Variants in SPTLC3 observed in about 807,000 individuals in gnomAD.
SPTLC3 encodes the protein serine palmitoyltransferase 3.
A neutral mutation model predicts 59.3 loss-of-function variants in SPTLC3; 36 were observed. That is an observed-to-expected ratio of 0.61 (90% confidence interval 0.47 to 0.80). SPTLC3 has a LOEUF of 0.80. Among genes scored for constraint, SPTLC3 ranks in the 30% least tolerant of loss-of-function variants. The pLI, the probability that SPTLC3 is intolerant of heterozygous loss-of-function variation, is 0.00. For missense variants in SPTLC3, 625 were observed against 685.1 expected, an observed-to-expected ratio of 0.91 and a Z score of 0.98; for synonymous variants, 257 against 240.8, an observed-to-expected ratio of 1.07 and a Z score of -0.62.
intron 10 of SPTLC3, among the ~76,000 whole-genome samples, chr20:13,159,538 A>T (rs1180243999): frequency 6.6e-6 from 1 of 152,194 alleles, no homozygotes; most frequent in East Asian, 1.9e-4. Context: ...GCTCATTGAA[A>T]TTTCCACATT....
At position 13,074,205 on chromosome 20, in the gene SPTLC3, C is replaced by T. The variant is rs530676605; in HGVS notation, c.459-144C>T. 55 of 1,066,150 alleles carry T rather than the reference C, an allele frequency of 5.2e-5. No individual in the cohort carries two copies. The Admixed American group carries it at 9.8e-4, about 19-fold the overall frequency. The allele number at this position is 1,066,150 out of a possible 1,614,324, so 66.0% of individuals were successfully genotyped here. ...GAACCACCTCCTGCCAGCTCTGTTC[C>T]ACCTCACAGATCTGAGCTGCCATCT... On this transcript the variant is annotated intron_variant, in intron 3 of 11. Coordinates refer to ENST00000399002, the MANE Select transcript of SPTLC3 (RefSeq NM_018327.4).
chr20:13,038,045 A>AATATATATATATATATATATATAT lies in SPTLC3; in HGVS notation c.118-10885_118-10884insTATATATATATATATATATATATA, dbSNP rs74181398. On this transcript the variant is annotated intron_variant, in intron 1 of 11. Transcript: ENST00000399002. ...GCTGGAAAATACAGAGAAAATCATG[A>AATATATATATATATATATATATAT]ATATATATATATATAATATATCTTC... Among the ~76,000 whole-genome samples, 224 of 139,476 alleles carry AATATATATATATATATATATATAT rather than the reference A, an allele frequency of 1.6e-3. 5 individuals are homozygous for AATATATATATATATATATATATAT. The highest frequency in any genetic ancestry group is 4.9e-3 in the African/African-American group (178 of 36,434). The allele number at this position is 139,476 out of a possible 152,430, so 91.5% of individuals were successfully genotyped here.
chr20:13,142,114 A>T (rs1184551859), intron 9 of SPTLC3, among the ~76,000 whole-genome samples: 2 of 152,236 alleles, frequency 1.3e-5, no homozygotes, highest in Non-Finnish European at 2.9e-5. Context: ...AGAGTTAGCC[A>T]AGGGTAGACT....
chr20:13,153,587 G>A (rs534917617), intron 9 of SPTLC3, among the ~76,000 whole-genome samples: 1 of 152,232 alleles, frequency 6.6e-6, no homozygotes, highest in South Asian at 2.1e-4. Context: ...ATTCAGCTTA[G>A]CTAAAAAGCA....
intron 9 of SPTLC3, among the ~76,000 whole-genome samples, chr20:13,152,912 G>A (rs572025609): frequency 6.6e-6 from 1 of 152,268 alleles, no homozygotes; most frequent in African/African-American, 2.4e-5. Flanking sequence ...TCCATCTGAA[G>A]AGTTACAAAC....
chr20:13,049,997 C>T (rs1202449042), intron 2 of SPTLC3: 1 of 152,214 alleles, frequency 6.6e-6, no homozygotes, highest in African/African-American at 2.4e-5. Context: ...AACCAGAAAA[C>T]CAACCTTGGT....
intron 9 of SPTLC3, among the ~76,000 whole-genome samples, chr20:13,130,356 C>T (rs1036127419): frequency 1.3e-5 from 2 of 152,226 alleles, no homozygotes; most frequent in African/African-American, 4.8e-5. Context: ...CTTCAGCCCA[C>T]TCCACTACAA....
chr20:13,088,803 G>C (rs373287669), intron 4 of SPTLC3, among the ~76,000 whole-genome samples: 1 of 43,266 alleles, frequency 2.3e-5, no homozygotes. Context: ...TTTTTTTTTT[G>C]TATTTTTAGT....
intron 2 of SPTLC3, among the ~76,000 whole-genome samples, chr20:13,067,833 A>C (rs1359482689): frequency 6.6e-6 from 1 of 152,228 alleles, no homozygotes; most frequent in African/African-American, 2.4e-5. Flanking sequence ...ATTATATAAA[A>C]TACAGTATTC....
At chr20:13,033,821 A>T (rs998697589) in intron 1 of SPTLC3, among the ~76,000 whole-genome samples, 9 of 152,156 alleles carry the variant, frequency 5.9e-5, no homozygotes, top group African/African-American at 1.9e-4. Flanking sequence ...GAGTGTAATG[A>T]TGGTGTTATG....
At chr20:13,065,346 T>C (rs1600245104) in intron 2 of SPTLC3, among the ~76,000 whole-genome samples, 1 of 150,558 alleles carries the variant, frequency 6.6e-6, no homozygotes, top group Non-Finnish European at 1.5e-5. Flanking sequence ...TCTTGGTGAA[T>C]TTTTCCTTTT....
chr20:13,017,574 G>C (rs1392822426), intron 1 of SPTLC3, among the ~76,000 whole-genome samples: 1 of 152,202 alleles, frequency 6.6e-6, no homozygotes, highest in Non-Finnish European at 1.5e-5. Context: ...TTTGGATGCA[G>C]ACCAACATAG....
At chr20:13,106,367 C>G (rs1314834129) in intron 6 of SPTLC3, among the ~76,000 whole-genome samples, 3 of 152,130 alleles carry the variant, frequency 2.0e-5, no homozygotes, top group Non-Finnish European at 4.4e-5. Flanking sequence ...AAGCAAAAAA[C>G]GAACATCGCG....
chr20:13,024,301 A>G (rs1986039663), intron 1 of SPTLC3, among the ~76,000 whole-genome samples: 1 of 152,210 alleles, frequency 6.6e-6, no homozygotes, highest in East Asian at 1.9e-4. Flanking sequence ...AAACATTTGC[A>G]AATTTATAGA....
intron 9 of SPTLC3, among the ~76,000 whole-genome samples, chr20:13,145,526 T>C (rs1237590161): frequency 6.6e-6 from 1 of 152,118 alleles, no homozygotes. Context: ...TGTTCATGGA[T>C]AGGAAGAATC....
chr20:13,026,771 C>G (rs1007889003), intron 1 of SPTLC3, among the ~76,000 whole-genome samples: 2 of 152,160 alleles, frequency 1.3e-5, no homozygotes, highest in Non-Finnish European at 2.9e-5. Flanking sequence ...ATGTGCACAG[C>G]CTCCTCTCCA....
intron 5 of SPTLC3, among the ~76,000 whole-genome samples, chr20:13,092,884 C>G (rs1989277353): frequency 6.6e-6 from 1 of 152,110 alleles, no homozygotes; most frequent in Non-Finnish European, 1.5e-5. Flanking sequence ...AAGAAGAATA[C>G]TTTTACAAAG....
At chr20:13,060,407 T>TATTTATTTATTA (rs1555790084) in intron 2 of SPTLC3, among the ~76,000 whole-genome samples, 14 of 151,220 alleles carry the variant, frequency 9.3e-5, no homozygotes, top group African/African-American at 3.2e-4. Context: ...TTTATTTATT[T>TATTTATTTATTA]ATTTATTTAT....
Position 13,065,464 on chromosome 20 carries a change from T to C in SPTLC3, c.304-6792T>C, listed in dbSNP as rs115834920. Among the ~76,000 whole-genome samples the C allele has an allele frequency of 4.2e-3, 641 of 152,006 alleles. 2 individuals are homozygous for C. The highest frequency in any genetic ancestry group is 0.014 in the African/African-American group (587 of 41,542). ...TTATCTTCAGCATTTCCGGAAAATG[T>C]ATGTCTCTTATAAGCAACAAATAGA... On this transcript the variant is annotated intron_variant, in intron 2 of 11. Coordinates refer to ENST00000399002, the MANE Select transcript of SPTLC3 (RefSeq NM_018327.4).
Sources: allele counts gnomAD v4.1 joint callset (sites outside exome capture counted in the v4.1 genomes callset), GRCh38; gene constraint gnomAD v4.1.1; transcripts MANE v1.5; gene names NCBI Gene and HGNC (gene_info 2026-07-23, HGNC 2026-07-21).